KIAA1328: variants seen among roughly 807,000 people sequenced by gnomAD.
KIAA1328 encodes the protein KIAA1328.
KIAA1328 carries 52 observed loss-of-function variants against 68.1 expected under a neutral mutation model. That is an observed-to-expected ratio of 0.76 (90% CI 0.61 to 0.96). The LOEUF is 0.96. Among genes scored for constraint, KIAA1328 ranks in the 40% least tolerant of loss-of-function variants. The probability of loss-of-function intolerance (pLI) is 0.00; values close to 1 mark genes in which losing one functional copy is unlikely to be tolerated. For missense variants in KIAA1328, 641 were observed against 677.6 expected, an observed-to-expected ratio of 0.95 and a Z score of 0.60; for synonymous variants, 232 against 239.4, an observed-to-expected ratio of 0.97 and a Z score of 0.28.
At chr18:37,040,699 A>G (rs1450682023) in intron 6 of KIAA1328, among the ~76,000 whole-genome samples, 4 of 151,776 alleles carry the variant, frequency 2.6e-5, no homozygotes, top group African/African-American at 9.7e-5. Context: ...GTTTAAAGCT[A>G]TAAATCTAAA....
chr18:37,127,551 A>C (rs1269429502), intron 7 of KIAA1328, among the ~76,000 whole-genome samples: 1 of 152,174 alleles, frequency 6.6e-6, no homozygotes, highest in Non-Finnish European at 1.5e-5. Flanking sequence ...TCTACAAAAA[A>C]CAAAAATAAT....
intron 7 of KIAA1328, among the ~76,000 whole-genome samples, chr18:37,155,347 G>A (rs541502990): frequency 1.8e-4 from 27 of 152,046 alleles, no homozygotes; most frequent in Non-Finnish European, 2.8e-4. Flanking sequence ...TATCTTCTCA[G>A]ATGTTCCATA....
intron 6 of KIAA1328, among the ~76,000 whole-genome samples, chr18:37,062,032 C>T (rs1015236063): frequency 1.3e-5 from 2 of 152,152 alleles, no homozygotes; most frequent in African/African-American, 2.4e-5. Context: ...ATATGGTCCA[C>T]GCGCTTTATA....
chr18:37,173,418 C>T (rs2059538776), intron 9 of KIAA1328, among the ~76,000 whole-genome samples: 1 of 152,208 alleles, frequency 6.6e-6, no homozygotes, highest in South Asian at 2.1e-4. Context: ...TAGCTGAAAT[C>T]ATTGCTATTG....
chr18:37,013,196 A>G (rs1218135686), intron 6 of KIAA1328, among the ~76,000 whole-genome samples: 1 of 152,140 alleles, frequency 6.6e-6, no homozygotes, highest in African/African-American at 2.4e-5. Flanking sequence ...AGGCACTAGT[A>G]TTTGGAATTA....
intron 6 of KIAA1328, among the ~76,000 whole-genome samples, chr18:36,975,339 C>T (rs1330656068): frequency 2.0e-5 from 3 of 151,926 alleles, no homozygotes; most frequent in Non-Finnish European, 2.9e-5. Context: ...CCCGCCACTA[C>T]GCCTGGCTAA....
chr18:37,198,659 G>A (rs1034646721), intron 9 of KIAA1328, among the ~76,000 whole-genome samples: 2 of 152,170 alleles, frequency 1.3e-5, no homozygotes, highest in African/African-American at 4.8e-5. Flanking sequence ...AAAGAAAGTG[G>A]TTGCCCTTAT....
chr18:36,830,600 G>T (rs2046446410), intron 1 of KIAA1328, among the ~76,000 whole-genome samples: 1 of 152,110 alleles, frequency 6.6e-6, no homozygotes, highest in African/African-American at 2.4e-5. Context: ...ACAAGCTATT[G>T]CAATGGGACT....
intron 7 of KIAA1328, among the ~76,000 whole-genome samples, chr18:37,076,511 C>CA (rs1403946485): frequency 6.6e-6 from 1 of 151,662 alleles, no homozygotes; most frequent in Non-Finnish European, 1.5e-5. Flanking sequence ...AATAGAGACA[C>CA]AAAAAACCCT....
intron 6 of KIAA1328, among the ~76,000 whole-genome samples, chr18:37,021,896 T>C (rs1159546757): frequency 6.6e-6 from 1 of 151,804 alleles, no homozygotes; most frequent in Non-Finnish European, 1.5e-5. Context: ...AAAAATTAGC[T>C]GGACATGGTG....
At chr18:37,098,764 T>C (rs2057499701) in intron 7 of KIAA1328, among the ~76,000 whole-genome samples, 1 of 152,206 alleles carries the variant, frequency 6.6e-6, no homozygotes, top group African/African-American at 2.4e-5. Context: ...CTGTTATTTA[T>C]CTATTAAGAG....
At chr18:37,187,142 T>C (rs899568516) in intron 9 of KIAA1328, among the ~76,000 whole-genome samples, 3 of 151,720 alleles carry the variant, frequency 2.0e-5, no homozygotes, top group African/African-American at 7.3e-5. Context: ...CCAGCCTGGG[T>C]GACAGAGTGA....
intron 6 of KIAA1328, among the ~76,000 whole-genome samples, chr18:37,060,506 G>A (rs76432879): frequency 1.5e-4 from 23 of 152,264 alleles, no homozygotes; most frequent in East Asian, 9.7e-4. Flanking sequence ...AAGTGTTCAC[G>A]TGAATGCGGA....
chr18:37,076,714 A>G (rs999650463), intron 7 of KIAA1328, among the ~76,000 whole-genome samples: 4 of 152,026 alleles, frequency 2.6e-5, no homozygotes, highest in Admixed American at 6.6e-5. Flanking sequence ...ACCTCTACGC[A>G]AATAAACTAG....
chr18:36,966,234 G>GT lies in KIAA1328; in HGVS notation c.576+6802dup, dbSNP rs534578349. Among the ~76,000 whole-genome samples the GT allele has an allele frequency of 1.2e-4, 18 of 152,278 alleles. No homozygotes were observed. In the East Asian group the frequency reaches 3.1e-3, roughly 26 times the overall value. The stretch of plus-strand genomic sequence containing the variant: ...ACATTAAGAAAGACTAAGAGTACTA[G>GT]TTTACCTGCCTTACAATAAATACTA... On this transcript the variant is annotated intron_variant, in intron 6 of 9. Coordinates refer to ENST00000280020, the MANE Select transcript of KIAA1328 (RefSeq NM_020776.3).
At chr18:37,079,951 C>T (rs1194803075) in intron 7 of KIAA1328, among the ~76,000 whole-genome samples, 1 of 150,292 alleles carries the variant, frequency 6.7e-6, no homozygotes, top group Non-Finnish European at 1.5e-5. Flanking sequence ...TTCATTTATG[C>T]AGTAACTATG....
intron 5 of KIAA1328, chr18:36,925,108 G>A (rs1173867547): frequency 6.6e-6 from 1 of 152,128 alleles, no homozygotes; most frequent in Admixed American, 6.5e-5. Flanking sequence ...TAAAGATTAT[G>A]TATGGTAATA....
intron 4 of KIAA1328, among the ~76,000 whole-genome samples, chr18:36,878,406 T>C (rs1426962975): frequency 7.2e-5 from 11 of 152,216 alleles, no homozygotes; most frequent in Admixed American, 7.2e-4. Context: ...GGGCTTCTCT[T>C]TGTGGGTAAC....
rs1477982983 is a variant in KIAA1328, at chr18:37,222,104, G to C, written c.1611G>C (p.Gly537=). 6.2e-7 allele frequency: 1 copy of C among 1,613,370 alleles called. No individual in the cohort carries two copies. Among genetic ancestry groups the C allele is most frequent in the Non-Finnish European group, 8.5e-7 (1 of 1,179,736 alleles). The change falls in exon 10 of 10, where the codon GGG becomes GGC. Residue 537 remains glycine (G), a synonymous_variant. Transcript: ENST00000280020. ...KPQRYPSREA[G]AWNHGTFRLS... ...AGCGCTATCCCTCCAGAGAAGCTGG[G>C]GCCTGGAATCATGGTACTTTCCGAC...
Sources: gnomAD v4.1 joint callset for allele counts (sites outside exome capture counted in the v4.1 genomes callset) on GRCh38, gnomAD v4.1.1 for gene constraint, MANE v1.5 for transcripts, NCBI Gene and HGNC (gene_info 2026-07-23, HGNC 2026-07-21) for gene names.